Variants in FBLN1 observed in about 807,000 individuals in gnomAD.
The protein encoded by FBLN1 is fibulin-1.
In FBLN1, 34 loss-of-function variants were observed where a neutral mutation model predicts 89.7. The observed-to-expected ratio is 0.38, with a 90% CI of 0.29 to 0.50. The LOEUF is 0.50. Ranked by LOEUF, FBLN1 falls within the 20% of genes least tolerant of loss-of-function variation. FBLN1 has a pLI of 0.92. For synonymous variants in FBLN1, 393 were observed against 391.3 expected (o/e 1.00, Z -0.05); for missense variants, 777 against 988.1 (o/e 0.79, Z 2.86).
chr22:45,592,246 C>T (rs574164345), intron 16 of FBLN1, among the ~76,000 whole-genome samples: 17 of 152,342 alleles, frequency 1.1e-4, no homozygotes, highest in African/African-American at 4.1e-4. Flanking sequence ...CCACCCATGT[C>T]TCCTGCTGTG....
At position 45,548,777 on chromosome 22, in the gene FBLN1, G is replaced by A. The variant is rs139457774; in HGVS notation, c.1573+33G>A. 1.2e-4 allele frequency: 190 copies of A among 1,610,144 alleles called. 2 individuals are homozygous for A. The South Asian group carries it at 1.3e-3, about 11-fold the overall frequency. ...GGAGGGATGCCCTGGGGTCCCTCAC[G>A]CTCTGCTTGGGGCCCTGCAATGTCG... On this transcript the variant is annotated intron_variant, in intron 13 of 16. Transcript: ENST00000327858.
chr22:45,559,950 A>G (rs2088831736), intron 14 of FBLN1, among the ~76,000 whole-genome samples: 1 of 152,184 alleles, frequency 6.6e-6, no homozygotes, highest in Non-Finnish European at 1.5e-5. Context: ...CTGGAAATTG[A>G]TTGAGGGGCC....
chr22:45,563,095 G>C lies in FBLN1; in HGVS notation c.1698-11416G>C. 1 of 1,613,444 alleles carries C rather than the reference G, an allele frequency of 6.2e-7. No homozygotes were observed. The highest frequency in any genetic ancestry group is 8.5e-7 in the Non-Finnish European group (1 of 1,180,010). On this transcript the variant is annotated intron_variant, in intron 14 of 16. Coordinates refer to ENST00000327858, the MANE Select transcript of FBLN1 (RefSeq NM_006486.3). The surrounding 1 kb of genome is among the most constrained non-coding windows in gnomAD (Gnocchi z 5.7). ...TGGCCATCACCGGCGGCAATGAGGAGGGCTTTTTCACCACCCGGAAGGTGA... is the reference window on the plus strand; with the variant it reads ...TGGCCATCACCGGCGGCAATGAGGACGGCTTTTTCACCACCCGGAAGGTGA...
intron 11 of FBLN1, among the ~76,000 whole-genome samples, chr22:45,546,092 A>G (rs1410963285): frequency 6.6e-6 from 1 of 152,148 alleles, no homozygotes; most frequent in African/African-American, 2.4e-5. Context: ...CATTTAGTGG[A>G]CAATAGCCTC....
intron 2 of FBLN1, among the ~76,000 whole-genome samples, chr22:45,520,791 T>G (rs2088239542): frequency 1.3e-5 from 2 of 152,162 alleles, no homozygotes; most frequent in South Asian, 4.1e-4. Flanking sequence ...TACTCACTAA[T>G]GTCTTTGGTA....
chr22:45,505,043 G>C (rs1215289766), intron 1 of FBLN1, among the ~76,000 whole-genome samples: 4 of 152,254 alleles, frequency 2.6e-5, no homozygotes, highest in African/African-American at 9.6e-5. Flanking sequence ...CGCAGATGGT[G>C]AGCCTGTTAG....
At chr22:45,510,821 G>T (rs1260772934) in intron 1 of FBLN1, among the ~76,000 whole-genome samples, 1 of 152,150 alleles carries the variant, frequency 6.6e-6, no homozygotes, top group East Asian at 1.9e-4. Context: ...TAATCTTTAT[G>T]GAGGTTTAAC....
At chr22:45,507,239 C>T (rs1189983178) in intron 1 of FBLN1, among the ~76,000 whole-genome samples, 4 of 152,134 alleles carry the variant, frequency 2.6e-5, no homozygotes, top group East Asian at 1.9e-4. Flanking sequence ...TGGGAGGGAG[C>T]GAGGCACCAG....
intron 12 of FBLN1, 144 bp downstream of exon 12, chr22:45,547,348 A>T: frequency 1.3e-4 from 94 of 710,054 alleles, no homozygotes; most frequent in East Asian, 2.3e-4. Flanking sequence ...CCACCCTTGG[A>T]GGCAAGCGGG....
rs2088494923 is a variant in FBLN1 at position 45,537,306 on chromosome 22, A to G, written c.922+1969A>G. On this transcript the variant is annotated intron_variant, in intron 8 of 16. Coordinates refer to ENST00000327858, the MANE Select transcript of FBLN1 (RefSeq NM_006486.3). This position sits in a 1 kb window ranked among gnomAD's most constrained non-coding sequence, Gnocchi z 5.7. ...CTCTTCCCCCACTGCATTATTTTTA[A>G]CCACTGAGATATTTAAAGATAAGTG... 6.6e-6 allele frequency among the ~76,000 whole-genome samples: 1 copy of G among 152,076 alleles called. No homozygotes were observed. The highest frequency in any genetic ancestry group is 6.6e-5 in the Admixed American group (1 of 15,260).
chr22:45,562,798 G>C lies in FBLN1; in HGVS notation c.1698-11713G>C. 1.9e-6 allele frequency: 2 copies of C among 1,029,466 alleles called. No individual in the cohort carries two copies. Among genetic ancestry groups the C allele is most frequent in the Non-Finnish European group, 1.5e-6 (1 of 661,326 alleles). The allele number at this position is 1,029,466 out of a possible 1,614,324, so 63.8% of individuals were successfully genotyped here. On this transcript the variant is annotated intron_variant, in intron 14 of 16. Transcript: ENST00000327858. The surrounding 1 kb of genome is among the most constrained non-coding windows in gnomAD (Gnocchi z 7.8). ...CCCTTCGTGTTGGCTGAATCGGCCA[G>C]AGGGGCGGCGGGAGGCCCCGCCTGC...
chr22:45,534,430 A>C lies in FBLN1; in HGVS notation c.784+532A>C, dbSNP rs1285957235. Among the ~76,000 whole-genome samples the C allele has an allele frequency of 2.6e-5, 4 of 151,958 alleles. No homozygotes were observed. The South Asian group carries it at 6.2e-4, about 24-fold the overall frequency. The stretch of plus-strand genomic sequence containing the variant: ...CCCTTCCACTGCATAAACACATGGC[A>C]TTTCTGGCTGCCAGCCTTTCCCCGC... On this transcript the variant is annotated intron_variant, in intron 7 of 16. Transcript: ENST00000327858.
At chr22:45,506,471 C>T (rs1402134015) in intron 1 of FBLN1, among the ~76,000 whole-genome samples, 1 of 152,200 alleles carries the variant, frequency 6.6e-6, no homozygotes, top group African/African-American at 2.4e-5. Flanking sequence ...CAGTTTTTCC[C>T]CCTCATGCAA....
intron 11 of FBLN1, 48 bp downstream of exon 11, chr22:45,543,574 C>A (rs754783081): frequency 4.4e-6 from 7 of 1,601,974 alleles, no homozygotes; most frequent in Non-Finnish European, 6.0e-6. Flanking sequence ...CACCTTCCTC[C>A]TGGGGAAGCC....
intron 1 of FBLN1, among the ~76,000 whole-genome samples, chr22:45,507,349 GTGTC>G (rs922939693): frequency 5.8e-4 from 88 of 152,320 alleles, no homozygotes; most frequent in African/African-American, 2.1e-3. Flanking sequence ...AATTCTGAAA[GTGTC>G]TGGAGAGATC....
chr22:45,547,054 T>C (rs374070196), intron 11 of FBLN1, 31 bp from the exon 12 acceptor site: 151 of 1,613,680 alleles, frequency 9.4e-5, no homozygotes, highest in Non-Finnish European at 1.2e-4. Flanking sequence ...CGTATGATGC[T>C]CTGAGCGGTG....
In FBLN1 at chr22:45,581,027, A is replaced by G. The variant is rs898341504; in HGVS notation, c.1972+3919A>G. 2.0e-5 allele frequency among the ~76,000 whole-genome samples: 3 copies of G among 152,238 alleles called. No individual in the cohort carries two copies. Among genetic ancestry groups the G allele is most frequent in the African/African-American group, 7.2e-5 (3 of 41,462 alleles). The stretch of plus-strand genomic sequence containing the variant: ...TTAATGCCCGAGGGATTCTCAGGCC[A>G]CTACAAAGCTTTCCTTATCTGGCTC... On this transcript the variant is annotated intron_variant, in intron 16 of 16. Transcript: ENST00000327858. This position sits in a 1 kb window ranked among gnomAD's most constrained non-coding sequence, Gnocchi z 7.6.
chr22:45,525,216 A>C (rs1033670507), intron 2 of FBLN1, among the ~76,000 whole-genome samples: 1 of 152,038 alleles, frequency 6.6e-6, no homozygotes. Context: ...AGAAAGAAAG[A>C]GAGAAAAAGA....
intron 1 of FBLN1, among the ~76,000 whole-genome samples, chr22:45,503,889 C>T (rs1489917273): frequency 1.3e-5 from 2 of 152,194 alleles, no homozygotes; most frequent in African/African-American, 2.4e-5. Context: ...CGCTTTTCTC[C>T]CCTCTAACCC....
Sources: allele counts gnomAD v4.1 joint callset (sites outside exome capture counted in the v4.1 genomes callset), GRCh38; gene constraint gnomAD v4.1.1; non-coding constraint Gnocchi (gnomAD v3.1); transcripts MANE v1.5; gene names NCBI Gene and HGNC (gene_info 2026-07-23, HGNC 2026-07-21).